The following ENOX1 variants were observed in gnomAD, a reference collection of about 807,000 sequenced individuals.
ENOX1 encodes ecto-NOX disulfide-thiol exchanger 1.
In ENOX1, 42 loss-of-function variants were observed where a neutral mutation model predicts 82.5. That is an observed-to-expected ratio of 0.51 (90% confidence interval 0.40 to 0.66). The LOEUF (loss-of-function observed/expected upper bound fraction) is 0.66. ENOX1 is among the 30% of genes least tolerant of loss of function. ENOX1 has a pLI of 0.00. For missense variants in ENOX1, 608 were observed against 811.6 expected (o/e 0.75, Z 3.05); for synonymous variants, 271 against 282.2 (o/e 0.96, Z 0.40).
At chr13:43,591,897 C>G (rs2081262140) in intron 2 of ENOX1, among the ~76,000 whole-genome samples, 1 of 152,074 alleles carries the variant, frequency 6.6e-6, no homozygotes, top group African/African-American at 2.4e-5. Flanking sequence ...AGGCAAAAGA[C>G]CAGCCTGGCT....
intron 2 of ENOX1, among the ~76,000 whole-genome samples, chr13:43,485,389 C>G (rs1472279388): frequency 1.3e-5 from 2 of 152,202 alleles, no homozygotes; most frequent in Non-Finnish European, 2.9e-5. Flanking sequence ...CCTTTTAGCT[C>G]ATGGCCCCAC....
intron 14 of ENOX1, among the ~76,000 whole-genome samples, chr13:43,255,916 C>A (rs1162803060): frequency 6.6e-6 from 1 of 152,014 alleles, no homozygotes; most frequent in African/African-American, 2.4e-5. Context: ...CAGAAAAATA[C>A]TATGAAGCCA....
chr13:43,609,463 T>C (rs531482965), intron 2 of ENOX1, among the ~76,000 whole-genome samples: 1 of 152,228 alleles, frequency 6.6e-6, no homozygotes, highest in Non-Finnish European at 1.5e-5. Flanking sequence ...ATGTGAGTTA[T>C]GTGACTGTGA....
At chr13:43,588,023 C>A (rs905811509) in intron 2 of ENOX1, among the ~76,000 whole-genome samples, 1 of 151,668 alleles carries the variant, frequency 6.6e-6, no homozygotes, top group Admixed American at 6.6e-5. Context: ...GCCTTTCTAA[C>A]AAAGCAATGG....
chr13:43,757,536 G>A (rs1950722773), intron 1 of ENOX1, among the ~76,000 whole-genome samples: 1 of 152,180 alleles, frequency 6.6e-6, no homozygotes, highest in African/African-American at 2.4e-5. Flanking sequence ...AGCCGGCTCT[G>A]AGCCACTCTG....
At chr13:43,486,085 C>T (rs1229512199) in intron 2 of ENOX1, among the ~76,000 whole-genome samples, 1 of 152,216 alleles carries the variant, frequency 6.6e-6, no homozygotes, top group African/African-American at 2.4e-5. Context: ...TGGCGGGTGC[C>T]TGTAGTCCCA....
At chr13:43,511,970 A>G (rs1474522499) in intron 2 of ENOX1, among the ~76,000 whole-genome samples, 1 of 152,116 alleles carries the variant, frequency 6.6e-6, no homozygotes, top group African/African-American at 2.4e-5. Context: ...TATTATATAT[A>G]TATACACTAT....
At chr13:43,318,624 C>A (rs916555672) in intron 11 of ENOX1, among the ~76,000 whole-genome samples, 73 of 152,328 alleles carry the variant, frequency 4.8e-4, no homozygotes, top group African/African-American at 1.6e-3. Flanking sequence ...ATCCTCCTAT[C>A]AACTTCTGGG....
At chr13:43,474,468 T>C (rs1593385786) in intron 3 of ENOX1, among the ~76,000 whole-genome samples, 1 of 152,232 alleles carries the variant, frequency 6.6e-6, no homozygotes, top group African/African-American at 2.4e-5. Context: ...TAACACTTAC[T>C]AGCTTTGTTT....
chr13:43,255,501 AC>A (rs2153473047), intron 14 of ENOX1, among the ~76,000 whole-genome samples: 1 of 152,266 alleles, frequency 6.6e-6, no homozygotes, highest in South Asian at 2.1e-4. Flanking sequence ...AGCCTTGTTC[AC>A]AGATGACATG....
intron 12 of ENOX1, among the ~76,000 whole-genome samples, chr13:43,270,277 G>T (rs2153481937): frequency 6.6e-6 from 1 of 152,264 alleles, no homozygotes; most frequent in South Asian, 2.1e-4. Flanking sequence ...TTGGGACATG[G>T]TGATATGTTA....
chr13:43,753,592 A>C (rs2153831888), intron 1 of ENOX1, among the ~76,000 whole-genome samples: 1 of 152,324 alleles, frequency 6.6e-6, no homozygotes, highest in South Asian at 2.1e-4. Flanking sequence ...GAAGTTGTTC[A>C]CAACTACCCA....
At chr13:43,777,379 G>A (rs1295464187) in intron 1 of ENOX1, among the ~76,000 whole-genome samples, 4 of 152,102 alleles carry the variant, frequency 2.6e-5, no homozygotes, top group African/African-American at 9.7e-5. Context: ...ATACATATGT[G>A]CGCACACACG....
intron 3 of ENOX1, among the ~76,000 whole-genome samples, chr13:43,472,094 T>C (rs1241319545): frequency 6.6e-6 from 1 of 151,952 alleles, no homozygotes; most frequent in Non-Finnish European, 1.5e-5. Flanking sequence ...TCATAAATAG[T>C]CTAAGCATAA....
chr13:43,516,395 T>C (rs964475856), intron 2 of ENOX1, among the ~76,000 whole-genome samples: 4 of 151,946 alleles, frequency 2.6e-5, no homozygotes, highest in Non-Finnish European at 5.9e-5. Context: ...CAAAAGGGAG[T>C]GTACACGTTA....
intron 3 of ENOX1, among the ~76,000 whole-genome samples, chr13:43,424,742 G>A (rs2055187346): frequency 6.6e-6 from 1 of 152,146 alleles, no homozygotes; most frequent in African/African-American, 2.4e-5. Context: ...CTCATGCTCT[G>A]TAACCAGTGA....
chr13:43,588,927 T>C (rs1259165040), intron 2 of ENOX1, among the ~76,000 whole-genome samples: 2 of 151,806 alleles, frequency 1.3e-5, no homozygotes, highest in Non-Finnish European at 1.5e-5. Context: ...AGAGGTGGGG[T>C]GAGGGAGAAG....
chr13:43,438,533 T>C (rs192433410), intron 3 of ENOX1, among the ~76,000 whole-genome samples: 9 of 152,318 alleles, frequency 5.9e-5, no homozygotes, highest in Non-Finnish European at 2.9e-5. Context: ...ACAAGAACAC[T>C]TAAAGGATTA....
At chr13:43,538,220 T>G (rs1174988890) in intron 2 of ENOX1, among the ~76,000 whole-genome samples, 2 of 152,088 alleles carry the variant, frequency 1.3e-5, no homozygotes. Context: ...CATAAAATAT[T>G]TCCTTCATTT....
Sources: allele counts gnomAD v4.1 joint callset (sites outside exome capture counted in the v4.1 genomes callset), GRCh38; gene constraint gnomAD v4.1.1; transcripts MANE v1.5; gene names NCBI Gene and HGNC (gene_info 2026-07-23, HGNC 2026-07-21).